Variants in SLC47A1 observed in about 807,000 individuals in gnomAD.
SLC47A1 encodes the protein multidrug and toxin extrusion protein 1.
In SLC47A1, 58 loss-of-function variants were observed where a neutral mutation model predicts 65.8. That is an observed-to-expected ratio of 0.88 (90% CI 0.71 to 1.10). The LOEUF (loss-of-function observed/expected upper bound fraction) is 1.10, where lower values mean the gene tolerates loss of function less well. Ranked by LOEUF, SLC47A1 falls within the 50% of genes least tolerant of loss-of-function variation. The pLI is 0.00. For missense variants in SLC47A1, 706 were observed against 719.2 expected (o/e 0.98, Z 0.21); for synonymous variants, 285 against 295.0 (o/e 0.97, Z 0.35).
chr17:19,546,581 G>A, intron 3 of SLC47A1, 78 bp downstream of exon 3: 2 of 1,417,218 alleles, frequency 1.4e-6, no homozygotes, highest in Non-Finnish European at 2.0e-6. Context: ...TCCACTGGCA[G>A]GAAGAGTTCA....
chr17:19,549,740 A>G (rs1916396688), intron 5 of SLC47A1, 63 bp downstream of exon 5: 16 of 1,540,894 alleles, frequency 1.0e-5, no homozygotes, highest in African/African-American at 1.4e-5. Context: ...TAGCCACCAT[A>G]TCTGTGAGCT....
intron 12 of SLC47A1, among the ~76,000 whole-genome samples, chr17:19,561,292 A>G (rs1205692266): frequency 6.6e-6 from 1 of 151,736 alleles, no homozygotes; most frequent in Non-Finnish European, 1.5e-5. Context: ...AATTGGATAG[A>G]TGCTATCATA....
At chr17:19,544,177 C>T (rs1185014614) in intron 2 of SLC47A1, among the ~76,000 whole-genome samples, 1 of 152,172 alleles carries the variant, frequency 6.6e-6, no homozygotes, top group African/African-American at 2.4e-5. Context: ...AACTCCTGAC[C>T]TCGTGATCTG....
intron 6 of SLC47A1, among the ~76,000 whole-genome samples, chr17:19,552,904 A>C (rs970912748): frequency 6.6e-6 from 1 of 152,098 alleles, no homozygotes; most frequent in Non-Finnish European, 1.5e-5. Context: ...TGGGGCATTT[A>C]GTTTTGGGAA....
At chr17:19,547,716 CTTTTTTTTTTTTT>C (rs1180263887) in intron 3 of SLC47A1, among the ~76,000 whole-genome samples, 10 of 68,588 alleles carry the variant, frequency 1.5e-4, no homozygotes, top group Non-Finnish European at 2.1e-4. Flanking sequence ...CCATGGGCTT[CTTTTTTTTTTTTT>C]TTTTTTTTTT....
In SLC47A1 at chr17:19,555,875, G is replaced by A. The variant is rs368041402; in HGVS notation, c.819G>A (p.Glu273=). ...CCAGCATGCTCATGCTGTGCATGGA[G>A]TGGTGGGCCTATGAGGTCGGGAGCT... ...AIPSMLMLCM[E]WWAYEVGSFL... Residue 273 remains glutamate, a synonymous_variant, in exon 9 of 17, where the codon GAG becomes GAA. Coordinates refer to ENST00000270570, the MANE Select transcript of SLC47A1 (RefSeq NM_018242.3). 3 of 1,613,984 alleles carry A rather than the reference G, an allele frequency of 1.9e-6. No homozygotes were observed. The highest frequency in any genetic ancestry group is 1.7e-6 in the Non-Finnish European group (2 of 1,180,030).
intron 16 of SLC47A1, among the ~76,000 whole-genome samples, chr17:19,575,115 G>C (rs948334512): frequency 1.4e-4 from 19 of 135,572 alleles, no homozygotes; most frequent in African/African-American, 5.2e-4. Flanking sequence ...CTGTCACCCA[G>C]GCTGGAGTGC....
At chr17:19,561,016 G>T (rs527260533) in intron 12 of SLC47A1, among the ~76,000 whole-genome samples, 1 of 151,844 alleles carries the variant, frequency 6.6e-6, no homozygotes, top group South Asian at 2.1e-4. Context: ...TAGCACTTTG[G>T]TATGTCAAGG....
intron 6 of SLC47A1, among the ~76,000 whole-genome samples, chr17:19,554,122 A>T (rs1481228516): frequency 6.6e-6 from 1 of 152,140 alleles, no homozygotes. Flanking sequence ...AGGCTGTGGG[A>T]TGCCTCAGCA....
intron 7 of SLC47A1, 43 bp downstream of exon 7, chr17:19,555,352 G>A: frequency 6.2e-7 from 1 of 1,603,048 alleles, no homozygotes. Flanking sequence ...GGGATGACTT[G>A]CATGTGGTTT....
At chr17:19,570,598 G>A (rs911695261) in intron 14 of SLC47A1, among the ~76,000 whole-genome samples, 3 of 152,240 alleles carry the variant, frequency 2.0e-5, no homozygotes, top group Admixed American at 1.3e-4. Context: ...GGGGCCAATC[G>A]TTACAGAAGT....
chr17:19,535,785 C>T (rs1374573981), intron 1 of SLC47A1, among the ~76,000 whole-genome samples: 6 of 151,948 alleles, frequency 3.9e-5, no homozygotes, highest in East Asian at 1.9e-4. Context: ...CCTGGGGCTG[C>T]GTGCCCTGCT....
At chr17:19,557,297 G>A (rs572156158) in intron 10 of SLC47A1, 49 of 167,866 alleles carry the variant, frequency 2.9e-4, no homozygotes, top group Admixed American at 1.2e-3. Flanking sequence ...ATCCTTGGCA[G>A]AGTTTTTTAA....
chr17:19,559,707 T>C (rs9892500), intron 10 of SLC47A1, among the ~76,000 whole-genome samples: 64,986 of 151,764 alleles, frequency 0.43, 14,313 homozygotes, highest in Middle Eastern at 0.6. Context: ...AAGTTTTGTA[T>C]TTTTTAATAG....
At chr17:19,557,741 A>C (rs768283026) in intron 10 of SLC47A1, 7 of 428,238 alleles carry the variant, frequency 1.6e-5, no homozygotes, top group South Asian at 1.0e-4. Flanking sequence ...TTCTGCTCCC[A>C]AAATGGGATT....
rs199596745 is a variant in SLC47A1, at chr17:19,537,305, C to CCGCTTTA, written c.135+3233_135+3239dup. On this transcript the variant is annotated intron_variant, in intron 1 of 16. Transcript: ENST00000270570. Reference sequence around the variant, plus strand: ...GGTGAGGTGGGGGATCTGGAGAGAACCGCTTTACCCGGGACACACAAAGGA... The same window carrying CCGCTTTA: ...GGTGAGGTGGGGGATCTGGAGAGAACCGCTTTACGCTTTACCCGGGACACACAAAGGA... Among the ~76,000 whole-genome samples, 765 of 152,264 alleles carry CCGCTTTA rather than the reference C, an allele frequency of 5.0e-3. 23 individuals carry two copies. The highest frequency in any genetic ancestry group is 0.045 in the Admixed American group (693 of 15,288).
intron 14 of SLC47A1, among the ~76,000 whole-genome samples, chr17:19,568,249 A>G (rs1489148002): frequency 6.6e-6 from 1 of 152,170 alleles, no homozygotes; most frequent in African/African-American, 2.4e-5. Flanking sequence ...AAGTTCAATA[A>G]TATTTTAATT....
chr17:19,571,404 A>C (rs1356760230), intron 14 of SLC47A1, 74 bp from the exon 15 acceptor site: 5 of 1,303,930 alleles, frequency 3.8e-6, no homozygotes, highest in Admixed American at 3.8e-5. Context: ...CAGAAGTGAT[A>C]TAGGCAAAAC....
At chr17:19,538,141 A>G (rs1916045231) in intron 1 of SLC47A1, among the ~76,000 whole-genome samples, 1 of 152,252 alleles carries the variant, frequency 6.6e-6, no homozygotes, top group Admixed American at 6.5e-5. Context: ...GGATTGCGAG[A>G]GTCCTGACTT....
Sources: allele counts gnomAD v4.1 joint callset (sites outside exome capture counted in the v4.1 genomes callset), GRCh38; gene constraint gnomAD v4.1.1; transcripts MANE v1.5; gene names NCBI Gene and HGNC (gene_info 2026-07-23, HGNC 2026-07-21).